The following APBB2 variants were observed in gnomAD, a reference collection of about 807,000 sequenced individuals.
APBB2 encodes Fe65-like 1.
APBB2 carries 38 observed loss-of-function variants against 82.5 expected under a neutral mutation model. The observed-to-expected ratio is 0.46, with a 90% CI of 0.36 to 0.60. APBB2 has a LOEUF of 0.60. Among genes scored for constraint, APBB2 ranks in the 20% least tolerant of loss-of-function variants. APBB2 has a pLI of 0.00. For missense variants in APBB2, 772 were observed against 972.3 expected, an observed-to-expected ratio of 0.79 and a Z score of 2.74; for synonymous variants, 341 against 368.2, an observed-to-expected ratio of 0.93 and a Z score of 0.85.
At chr4:41,110,649 G>GAC (rs2153980644) in intron 2 of APBB2, among the ~76,000 whole-genome samples, 1 of 150,776 alleles carries the variant, frequency 6.6e-6, no homozygotes, top group South Asian at 2.1e-4. Context: ...ATCATGTACT[G>GAC]ACAAAAATTA....
intron 5 of APBB2, among the ~76,000 whole-genome samples, chr4:41,023,374 A>AT (rs1380488049): frequency 5.9e-5 from 9 of 152,068 alleles, no homozygotes; most frequent in East Asian, 1.9e-4. Context: ...TATTCCATTC[A>AT]TTTTTTTTAA....
intron 1 of APBB2, among the ~76,000 whole-genome samples, chr4:41,153,069 C>G (rs963668726): frequency 1.2e-4 from 18 of 152,132 alleles, no homozygotes; most frequent in African/African-American, 4.3e-4. Flanking sequence ...CATGCCCGTA[C>G]CCCAAAAGCT....
At chr4:40,880,499 G>A (rs778394749) in intron 12 of APBB2, 952 of 985,304 alleles carry the variant, frequency 9.7e-4, no homozygotes, top group Non-Finnish European at 1.1e-3. Flanking sequence ...ATCTGCATAA[G>A]TTCTGGGTTA....
chr4:40,823,214 G>A (rs1748621376), intron 16 of APBB2, among the ~76,000 whole-genome samples: 1 of 152,162 alleles, frequency 6.6e-6, no homozygotes, highest in Admixed American at 6.5e-5. Context: ...GATAATTTGG[G>A]CTGAGGCTAA....
chr4:40,813,590 A>G lies in APBB2; in HGVS notation c.*2502T>C, dbSNP rs956644280. On this transcript the variant is annotated 3_prime_UTR_variant, in exon 18 of 18. Coordinates refer to ENST00000508593, the MANE Select transcript of APBB2 (RefSeq NM_004307.2). ...ACTATACAATGCCATTTTCAAAACAAAACGTCTGCAAAGTTTTCAATATGT... is the reference window on the plus strand; with the variant it reads ...ACTATACAATGCCATTTTCAAAACAGAACGTCTGCAAAGTTTTCAATATGT... 6.6e-6 allele frequency: 1 copy of G among 152,226 alleles called. No homozygotes were observed. The highest frequency in any genetic ancestry group is 1.5e-5 in the Non-Finnish European group (1 of 68,042). The allele number at this position is 152,226 out of a possible 1,614,324, so 9.4% of individuals were successfully genotyped here. A position where few individuals can be genotyped will look rare whatever the true frequency, so the allele number is the denominator to read the frequency against.
intron 6 of APBB2, among the ~76,000 whole-genome samples, chr4:40,995,695 T>G (rs973966451): frequency 2.0e-5 from 3 of 151,996 alleles, no homozygotes; most frequent in African/African-American, 7.2e-5. Flanking sequence ...TGCCACTATG[T>G]CTGGCTAATT....
rs1789480168 is a variant in APBB2, at chr4:40,949,530, TA to T, written c.836-4458del. Among the ~76,000 whole-genome samples the T allele has an allele frequency of 2.0e-5, 3 of 152,222 alleles. No individual in the cohort carries two copies. The South Asian group carries it at 6.2e-4, about 32-fold the overall frequency. On this transcript the variant is annotated intron_variant, in intron 6 of 17. Coordinates refer to ENST00000508593, the MANE Select transcript of APBB2 (RefSeq NM_004307.2). ...CTGCTTCTGTAAAAGATTTTCAGAATACTGCAAAGCCGCTTAATGGCCGCCC... is the reference window on the plus strand; with the variant it reads ...CTGCTTCTGTAAAAGATTTTCAGAATCTGCAAAGCCGCTTAATGGCCGCCC...
At chr4:40,838,231 C>T (rs1754649992) in intron 12 of APBB2, among the ~76,000 whole-genome samples, 1 of 150,474 alleles carries the variant, frequency 6.6e-6, no homozygotes, top group African/African-American at 2.4e-5. Flanking sequence ...GGCATGATCT[C>T]GGCTCACTGC....
chr4:40,902,052 T>A (rs1309453329), intron 10 of APBB2, among the ~76,000 whole-genome samples: 1 of 152,176 alleles, frequency 6.6e-6, no homozygotes, highest in African/African-American at 2.4e-5. Flanking sequence ...ACTGTGACTT[T>A]AAGCAAAATG....
intron 6 of APBB2, among the ~76,000 whole-genome samples, chr4:40,975,787 C>CACACACACA (rs778948957): frequency 1.3e-4 from 19 of 150,440 alleles, no homozygotes; most frequent in Admixed American, 6.0e-4. Flanking sequence ...CACACACACA[C>CACACACACA]ACAACAACCA....
intron 10 of APBB2, among the ~76,000 whole-genome samples, chr4:40,909,968 T>C (rs1053024714): frequency 2.5e-4 from 38 of 152,186 alleles, no homozygotes; most frequent in African/African-American, 8.9e-4. Flanking sequence ...GGGAACTTAG[T>C]TGAATTGTCT....
intron 3 of APBB2, among the ~76,000 whole-genome samples, chr4:41,074,680 G>T (rs1291053105): frequency 6.6e-6 from 1 of 150,510 alleles, no homozygotes; most frequent in Non-Finnish European, 1.5e-5. Flanking sequence ...CACCATCTCG[G>T]CTCACTGCCA....
At chr4:41,169,104 G>C (rs1767531169) in intron 1 of APBB2, among the ~76,000 whole-genome samples, 1 of 145,420 alleles carries the variant, frequency 6.9e-6, no homozygotes, top group Non-Finnish European at 1.5e-5. Flanking sequence ...AGAATCGTTT[G>C]AACCCTGGAG....
At chr4:40,937,965 C>T (rs952278269) in intron 7 of APBB2, among the ~76,000 whole-genome samples, 3 of 152,138 alleles carry the variant, frequency 2.0e-5, no homozygotes, top group Admixed American at 6.5e-5. Flanking sequence ...TATCCACCCC[C>T]GTAGGGGTGG....
chr4:40,954,068 T>TG (rs1298371337), intron 6 of APBB2, among the ~76,000 whole-genome samples: 2 of 152,170 alleles, frequency 1.3e-5, no homozygotes, highest in East Asian at 3.9e-4. Flanking sequence ...GCTAGGGGCC[T>TG]GGCTTCTGAA....
chr4:41,210,191 C>T (rs201015923), intron 1 of APBB2, among the ~76,000 whole-genome samples: 3 of 152,272 alleles, frequency 2.0e-5, no homozygotes, highest in Non-Finnish European at 2.9e-5. Flanking sequence ...AGTTCAGGTC[C>T]GAAGCAGGGG....
intron 6 of APBB2, among the ~76,000 whole-genome samples, chr4:40,965,260 T>A (rs556953978): frequency 6.6e-5 from 10 of 152,252 alleles, no homozygotes; most frequent in South Asian, 2.1e-4. Context: ...TGAAAATATA[T>A]CACGAATTAT....
chr4:41,086,675 A>G (rs756728733), intron 3 of APBB2, among the ~76,000 whole-genome samples: 15 of 152,224 alleles, frequency 9.9e-5, no homozygotes, highest in Non-Finnish European at 1.9e-4. Context: ...TCAGCATAAT[A>G]AAGGTCATAT....
intron 10 of APBB2, among the ~76,000 whole-genome samples, chr4:40,930,173 C>T (rs1783720848): frequency 6.6e-6 from 1 of 151,972 alleles, no homozygotes; most frequent in Admixed American, 6.6e-5. Flanking sequence ...TTAGTTTTGA[C>T]CGATGTACCA....
Sources: allele counts gnomAD v4.1 joint callset (sites outside exome capture counted in the v4.1 genomes callset), GRCh38; gene constraint gnomAD v4.1.1; transcripts MANE v1.5; gene names NCBI Gene and HGNC (gene_info 2026-07-23, HGNC 2026-07-21).